The following GALNT2 variants were observed in gnomAD, a reference collection of about 807,000 sequenced individuals.
GALNT2 encodes UDP-GalNAc:polypeptide N-acetylgalactosaminyltransferase 2.
Under a neutral mutation model 81.4 loss-of-function variants are expected in GALNT2, and 31 were observed. The observed-to-expected ratio is 0.38, with a 90% CI of 0.29 to 0.51. GALNT2 has a LOEUF of 0.51. Ranked by LOEUF, GALNT2 falls within the 20% of genes least tolerant of loss-of-function variation. GALNT2 has a pLI of 0.87. For missense variants in GALNT2, 629 were observed against 765.7 expected, an observed-to-expected ratio of 0.82 and a Z score of 2.11; for synonymous variants, 303 against 287.4, an observed-to-expected ratio of 1.05 and a Z score of -0.55.
intron 13 of GALNT2, 41 bp downstream of exon 13, chr1:230,263,046 T>C: frequency 6.6e-7 from 1 of 1,522,510 alleles, no homozygotes; most frequent in East Asian, 2.2e-5. Context: ...TGTAAGGGCT[T>C]AGAAGCCAGT....
chr1:230,120,974 G>A (rs1269557995), intron 1 of GALNT2, among the ~76,000 whole-genome samples: 3 of 152,198 alleles, frequency 2.0e-5, no homozygotes, highest in Non-Finnish European at 4.4e-5. Context: ...CTGTGGTTTA[G>A]GACTCCTAAT....
chr1:230,102,597 G>A (rs901341591), intron 1 of GALNT2, among the ~76,000 whole-genome samples: 1 of 152,020 alleles, frequency 6.6e-6, no homozygotes, highest in African/African-American at 2.4e-5. Flanking sequence ...ACAAATGGTG[G>A]TTGGAAATTG....
chr1:230,099,038 A>G (rs144670292), intron 1 of GALNT2, among the ~76,000 whole-genome samples: 1 of 152,218 alleles, frequency 6.6e-6, no homozygotes, highest in Non-Finnish European at 1.5e-5. Context: ...AGAGGATGAG[A>G]TCAGAGTTCT....
chr1:230,280,129 A>G lies in GALNT2; in HGVS notation c.*671A>G. 1 of 406,884 alleles carries G rather than the reference A, an allele frequency of 2.5e-6. No homozygotes were observed. The highest frequency in any genetic ancestry group is 5.0e-6 in the Non-Finnish European group (1 of 201,598). The allele number at this position is 406,884 out of a possible 1,614,324, so 25.2% of individuals were successfully genotyped here. On this transcript the variant is annotated 3_prime_UTR_variant, in exon 16 of 16. Transcript: ENST00000366672. ...TCTGTAGATCATCGTCATCTTGTAT[A>G]TTCCCCACAAAGCCGTTCGCAGCTT... is the stretch of plus-strand genomic sequence containing the variant.
chr1:230,102,356 G>A (rs1198638530), intron 1 of GALNT2, among the ~76,000 whole-genome samples: 2 of 152,086 alleles, frequency 1.3e-5, no homozygotes, highest in African/African-American at 4.8e-5. Flanking sequence ...GCAACATAAG[G>A]GGAGCTTCTG....
chr1:230,265,513 C>G, intron 14 of GALNT2, 146 bp downstream of exon 14: 1 of 1,109,830 alleles, frequency 9.0e-7, no homozygotes, highest in Non-Finnish European at 1.3e-6. Context: ...TGGCCACAGC[C>G]TCTTTGGCAG....
At chr1:230,140,720 C>T (rs1261485207) in intron 1 of GALNT2, among the ~76,000 whole-genome samples, 1 of 152,184 alleles carries the variant, frequency 6.6e-6, no homozygotes, top group African/African-American at 2.4e-5. Context: ...TCGAACCTTT[C>T]TCCTCACCCC....
intron 2 of GALNT2, among the ~76,000 whole-genome samples, chr1:230,190,519 C>T (rs531879195): frequency 7.2e-5 from 11 of 152,326 alleles, no homozygotes; most frequent in South Asian, 4.1e-4. Flanking sequence ...AAATTCAGGT[C>T]ATCCACAAGG....
At chr1:230,252,785 A>G (rs1256520061) in intron 10 of GALNT2, among the ~76,000 whole-genome samples, 5 of 151,092 alleles carry the variant, frequency 3.3e-5, no homozygotes, top group Non-Finnish European at 7.4e-5. Flanking sequence ...CCTAATTCTA[A>G]ATCTTGTGGT....
intron 13 of GALNT2, chr1:230,264,472 A>T (rs1376275216): frequency 6.6e-6 from 1 of 152,254 alleles, no homozygotes; most frequent in Non-Finnish European, 1.5e-5. Flanking sequence ...ACTGAAGACC[A>T]CATCTGAGGC....
At chr1:230,227,402 C>T (rs566836199) in intron 3 of GALNT2, among the ~76,000 whole-genome samples, 1 of 151,236 alleles carries the variant, frequency 6.6e-6, no homozygotes, top group African/African-American at 2.4e-5. Context: ...CTCAGAAAAT[C>T]CTAAACCAAA....
intron 1 of GALNT2, among the ~76,000 whole-genome samples, chr1:230,152,249 G>A (rs1662114435): frequency 6.6e-6 from 1 of 152,140 alleles, no homozygotes; most frequent in South Asian, 2.1e-4. Flanking sequence ...AAGCTCTCAG[G>A]GGGCTCAGGC....
At chr1:230,212,409 A>G (rs996850468) in intron 3 of GALNT2, among the ~76,000 whole-genome samples, 1 of 152,186 alleles carries the variant, frequency 6.6e-6, no homozygotes, top group Admixed American at 6.5e-5. Context: ...ATGGAGAAGA[A>G]ATGGGGTTGT....
chr1:230,156,108 G>T (rs1483540083), intron 1 of GALNT2, among the ~76,000 whole-genome samples: 1 of 151,992 alleles, frequency 6.6e-6, no homozygotes, highest in Non-Finnish European at 1.5e-5. Flanking sequence ...ATTGATTTTA[G>T]ATACAAGTGG....
intron 1 of GALNT2, among the ~76,000 whole-genome samples, chr1:230,126,372 C>T (rs898687095): frequency 4.6e-5 from 7 of 152,110 alleles, no homozygotes; most frequent in Admixed American, 1.3e-4. Flanking sequence ...TTTTGGGGCC[C>T]GCTGGGGTGC....
At chr1:230,247,136 G>A (rs866840187) in intron 8 of GALNT2, among the ~76,000 whole-genome samples, 1 of 152,162 alleles carries the variant, frequency 6.6e-6, no homozygotes, top group South Asian at 2.1e-4. Flanking sequence ...CGGGGCTAAG[G>A]TGGGAGGATC....
Position 230,279,625 on chromosome 1 carries a change from C to A in GALNT2, c.*167C>A. 1 of 842,456 alleles carries A rather than the reference C, an allele frequency of 1.2e-6. No individual in the cohort carries two copies. The highest frequency in any genetic ancestry group is 1.8e-6 in the Non-Finnish European group (1 of 556,272). The allele number at this position is 842,456 out of a possible 1,614,324, so 52.2% of individuals were successfully genotyped here. On this transcript the variant is annotated 3_prime_UTR_variant, in exon 16 of 16. Coordinates refer to ENST00000366672, the MANE Select transcript of GALNT2 (RefSeq NM_004481.5). This position sits in a 1 kb window ranked among gnomAD's most constrained non-coding sequence, Gnocchi z 4.6. ...CAAGGCACGGACGACTGTGCAGACA[C>A]AGCAGCGGCAAGAAGCGAGAACTGC...
chr1:230,122,932 C>T (rs1661063835), intron 1 of GALNT2, among the ~76,000 whole-genome samples: 1 of 152,096 alleles, frequency 6.6e-6, no homozygotes, highest in African/African-American at 2.4e-5. Flanking sequence ...GTCCCGCATC[C>T]CCTTGTTATT....
At chr1:230,156,584 G>A (rs1222258477) in intron 1 of GALNT2, among the ~76,000 whole-genome samples, 2 of 152,062 alleles carry the variant, frequency 1.3e-5, no homozygotes, top group East Asian at 1.9e-4. Flanking sequence ...CGTTTGTCAC[G>A]GATCAATTTA....
Sources: allele counts gnomAD v4.1 joint callset (sites outside exome capture counted in the v4.1 genomes callset), GRCh38; gene constraint gnomAD v4.1.1; non-coding constraint Gnocchi (gnomAD v3.1); transcripts MANE v1.5; gene names NCBI Gene and HGNC (gene_info 2026-07-23, HGNC 2026-07-21).